DOCK5: variants seen among roughly 807,000 people sequenced by gnomAD.
DOCK5 encodes the protein dedicator of cytokinesis protein 5.
DOCK5 carries 142 observed loss-of-function variants against 251.8 expected under a neutral mutation model. That is an observed-to-expected ratio of 0.56 (90% CI 0.49 to 0.65). The LOEUF (loss-of-function observed/expected upper bound fraction) is 0.65. Among genes scored for constraint, DOCK5 ranks in the 30% least tolerant of loss-of-function variants. The probability of loss-of-function intolerance (pLI) is 0.00; values close to 1 mark genes in which losing one functional copy is unlikely to be tolerated. For missense variants in DOCK5, 2,111 were observed against 2,312.3 expected (o/e 0.91, Z 1.79); for synonymous variants, 842 against 835.5 (o/e 1.01, Z -0.13).
chr8:25,243,150 A>G (rs1802997972), intron 1 of DOCK5, among the ~76,000 whole-genome samples: 1 of 152,270 alleles, frequency 6.6e-6, no homozygotes, highest in East Asian at 1.9e-4. Flanking sequence ...GGCCATGTCC[A>G]TGTGATTTGC....
At chr8:25,300,552 AG>A in intron 8 of DOCK5, 23 bp from the exon 9 acceptor site, 2 of 1,492,356 alleles carry the variant, frequency 1.3e-6, no homozygotes, top group African/African-American at 5.0e-5. Flanking sequence ...TCTCATTAAG[AG>A]CAATTTTTTT....
chr8:25,346,444 G>A (rs1800368236), intron 26 of DOCK5, among the ~76,000 whole-genome samples: 1 of 152,008 alleles, frequency 6.6e-6, no homozygotes. Flanking sequence ...TATCCTCTTG[G>A]ACACTGATAC....
chr8:25,207,604 A>G (rs1008126165), intron 1 of DOCK5, among the ~76,000 whole-genome samples: 3 of 152,252 alleles, frequency 2.0e-5, no homozygotes, highest in African/African-American at 7.2e-5. Flanking sequence ...GGATGACAGT[A>G]CATCTGTTGA....
At chr8:25,253,903 G>GCC (rs908206378) in intron 2 of DOCK5, among the ~76,000 whole-genome samples, 21 of 152,216 alleles carry the variant, frequency 1.4e-4, no homozygotes, top group Middle Eastern at 3.2e-3. Context: ...GGATTCTAAA[G>GCC]TTATGTGGAG....
chr8:25,397,383 G>C (rs924283910), intron 45 of DOCK5, among the ~76,000 whole-genome samples: 1 of 152,168 alleles, frequency 6.6e-6, no homozygotes, highest in Non-Finnish European at 1.5e-5. Context: ...TGGAGCAGAC[G>C]GTGTAATTGG....
intron 9 of DOCK5, among the ~76,000 whole-genome samples, chr8:25,301,173 A>C (rs1237953072): frequency 6.6e-6 from 1 of 152,260 alleles, no homozygotes; most frequent in East Asian, 1.9e-4. Flanking sequence ...AGGAAAAAAC[A>C]GCACATATAG....
At chr8:25,261,876 C>T (rs1216529352) in intron 2 of DOCK5, among the ~76,000 whole-genome samples, 3 of 152,152 alleles carry the variant, frequency 2.0e-5, no homozygotes, top group African/African-American at 7.2e-5. Flanking sequence ...TGTGTTTGGG[C>T]TCTTTCACTT....
chr8:25,337,570 C>T (rs185365610), intron 22 of DOCK5, among the ~76,000 whole-genome samples: 152 of 149,374 alleles, frequency 1.0e-3, no homozygotes, highest in African/African-American at 3.6e-3. Context: ...TGAGGAAAGA[C>T]GACCATGATA....
At chr8:25,194,393 T>G (rs1586217620) in intron 1 of DOCK5, among the ~76,000 whole-genome samples, 1 of 152,162 alleles carries the variant, frequency 6.6e-6, no homozygotes, top group African/African-American at 2.4e-5. Flanking sequence ...CTAGAAACAT[T>G]TTCTTCTCTA....
intron 45 of DOCK5, among the ~76,000 whole-genome samples, chr8:25,399,058 C>T (rs1801393754): frequency 6.6e-6 from 1 of 152,192 alleles, no homozygotes; most frequent in African/African-American, 2.4e-5. Flanking sequence ...GAAGGGGAAT[C>T]TGAAGGCTGG....
chr8:25,310,367 C>T, intron 12 of DOCK5, 40 bp from the exon 13 acceptor site: 1 of 1,574,478 alleles, frequency 6.4e-7, no homozygotes, highest in East Asian at 2.3e-5. Context: ...TTTTATACAT[C>T]ATACAAAGAA....
At chr8:25,332,756 T>C (rs899224192) in intron 20 of DOCK5, 64 bp downstream of exon 20, 1 of 1,211,560 alleles carries the variant, frequency 8.3e-7, no homozygotes, top group African/African-American at 1.5e-5. Flanking sequence ...AATATTTCAC[T>C]ATTATAAGTG....
At chr8:25,327,595 A>C (rs1443283493) in intron 18 of DOCK5, among the ~76,000 whole-genome samples, 1 of 152,214 alleles carries the variant, frequency 6.6e-6, no homozygotes, top group African/African-American at 2.4e-5. Flanking sequence ...GACAACCCGC[A>C]GTTCTCAATG....
At chr8:25,260,279 T>G (rs1474020968) in intron 2 of DOCK5, among the ~76,000 whole-genome samples, 2 of 152,148 alleles carry the variant, frequency 1.3e-5, no homozygotes, top group African/African-American at 4.8e-5. Flanking sequence ...TTTTATCCAG[T>G]AAGATACCAG....
intron 8 of DOCK5, 181 bp downstream of exon 8, chr8:25,299,282 C>A (rs1804697442): frequency 3.3e-6 from 2 of 609,646 alleles, no homozygotes; most frequent in Admixed American, 7.0e-5. Context: ...ACTACTAGAA[C>A]AATGAGGCCA....
chr8:25,368,349 TG>T (rs1415242954), intron 32 of DOCK5, 99 bp downstream of exon 32: 1 of 1,212,066 alleles, frequency 8.3e-7, no homozygotes, highest in East Asian at 2.5e-5. Context: ...AACCCTGAGA[TG>T]TATTTGTCTG....
At chr8:25,353,428 T>C (rs1345648882) in intron 27 of DOCK5, among the ~76,000 whole-genome samples, 1 of 152,216 alleles carries the variant, frequency 6.6e-6, no homozygotes, top group East Asian at 1.9e-4. Flanking sequence ...TAGTGGATTA[T>C]CAGTTAACTA....
chr8:25,412,981 C>G lies in DOCK5; in HGVS notation c.*1683C>G, dbSNP rs1162898426. The G allele has an allele frequency of 6.6e-6, 1 of 152,152 alleles. No homozygotes were observed. Among genetic ancestry groups the G allele is most frequent in the Non-Finnish European group, 1.5e-5 (1 of 68,026 alleles). The allele number at this position is 152,152 out of a possible 1,614,324, so 9.4% of individuals were successfully genotyped here. On this transcript the variant is annotated 3_prime_UTR_variant, in exon 52 of 52. Coordinates refer to ENST00000276440, the MANE Select transcript of DOCK5 (RefSeq NM_024940.8). ...CCCACCCAGGAAAACCTGCATTGTG[C>G]TAGCATGGAAGAATCATGGGCTTTG...
rs753703244 is a variant in DOCK5, at chr8:25,372,551, C to T, written c.3525-8C>T. Reference sequence around the variant, plus strand: ...CCTGGGCTTTTGTCTCTCCCTCCGCCCCTCCAGGCTCCTAGAACATTGCCG... The same window carrying T: ...CCTGGGCTTTTGTCTCTCCCTCCGCTCCTCCAGGCTCCTAGAACATTGCCG... On this transcript the variant is annotated splice_polypyrimidine_tract_variant and splice_region_variant and intron_variant, in intron 34 of 51. Transcript: ENST00000276440. 7 of 1,563,882 alleles carry T rather than the reference C, an allele frequency of 4.5e-6. No individual in the cohort carries two copies. The highest frequency in any genetic ancestry group is 6.0e-6 in the Non-Finnish European group (7 of 1,160,276).
Sources: allele counts gnomAD v4.1 joint callset (sites outside exome capture counted in the v4.1 genomes callset), GRCh38; gene constraint gnomAD v4.1.1; transcripts MANE v1.5; gene names NCBI Gene and HGNC (gene_info 2026-07-23, HGNC 2026-07-21).